Variants in FLT1 observed in about 807,000 individuals in gnomAD.
FLT1 encodes the protein vascular endothelial growth factor receptor 1.
Under a neutral mutation model 156.3 loss-of-function variants are expected in FLT1, and 49 were observed. The ratio of observed to expected loss-of-function variants is 0.31; its 90% confidence interval spans 0.25 to 0.40. FLT1 has a LOEUF of 0.40. Ranked by LOEUF, FLT1 falls within the 10% of genes least tolerant of loss-of-function variation. FLT1 has a pLI of 1.00. For missense variants in FLT1, 1,322 were observed against 1,637.2 expected, an observed-to-expected ratio of 0.81 and a Z score of 3.32; for synonymous variants, 594 against 583.8, an observed-to-expected ratio of 1.02 and a Z score of -0.25.
At chr13:28,324,695 G>A (rs1457923809) in intron 20 of FLT1, among the ~76,000 whole-genome samples, 3 of 152,232 alleles carry the variant, frequency 2.0e-5, no homozygotes, top group Non-Finnish European at 2.9e-5. Context: ...AGGCATCAGA[G>A]AAAGCGCTGG....
chr13:28,335,845 G>A (rs914724956), intron 17 of FLT1, among the ~76,000 whole-genome samples: 13 of 152,120 alleles, frequency 8.5e-5, no homozygotes, highest in African/African-American at 2.9e-4. Context: ...GGGGACCCTC[G>A]ATTTGAAATA....
intron 15 of FLT1, 110 bp downstream of exon 15, chr13:28,357,444 G>T: frequency 2.6e-6 from 3 of 1,145,602 alleles, no homozygotes; most frequent in South Asian, 1.2e-5. Context: ...GGAGGTCAGG[G>T]AAAGGAACAG....
At chr13:28,350,593 G>C (rs1434050620) in intron 15 of FLT1, among the ~76,000 whole-genome samples, 3 of 152,104 alleles carry the variant, frequency 2.0e-5, no homozygotes, top group Admixed American at 1.3e-4. Flanking sequence ...CAGACTGCAT[G>C]AATGGGTAGG....
intron 1 of FLT1, among the ~76,000 whole-genome samples, chr13:28,491,620 A>G (rs1049730042): frequency 3.9e-5 from 6 of 152,202 alleles, no homozygotes; most frequent in African/African-American, 1.4e-4. Context: ...AAAGAAAAAG[A>G]AAGTTTAATG....
At chr13:28,490,891 CACGCCTGGCCTCT>C (rs1015025361) in intron 1 of FLT1, among the ~76,000 whole-genome samples, 3 of 152,222 alleles carry the variant, frequency 2.0e-5, no homozygotes, top group Admixed American at 2.0e-4. Context: ...AAGAATTAGA[CACGCCTGGCCTCT>C]ACTAACACCA....
intron 3 of FLT1, among the ~76,000 whole-genome samples, chr13:28,453,715 A>G (rs55991219): frequency 1.1e-3 from 174 of 152,282 alleles, no homozygotes; most frequent in African/African-American, 4.0e-3. Context: ...TCATTTTCTC[A>G]ATGTGCCCTC....
chr13:28,390,648 C>A (rs114391248), intron 12 of FLT1, among the ~76,000 whole-genome samples: 1 of 152,130 alleles, frequency 6.6e-6, no homozygotes, highest in South Asian at 2.1e-4. Context: ...CCATGCTCCT[C>A]GGCCTCCCAA....
intron 1 of FLT1, among the ~76,000 whole-genome samples, chr13:28,470,776 C>T (rs1162588183): frequency 3.3e-5 from 5 of 152,066 alleles, no homozygotes; most frequent in Admixed American, 2.0e-4. Context: ...CTGCAGCCTC[C>T]GCCTCCTGGG....
chr13:28,477,903 A>G (rs1000403640), intron 1 of FLT1, among the ~76,000 whole-genome samples: 3 of 152,210 alleles, frequency 2.0e-5, no homozygotes, highest in Admixed American at 6.5e-5. Context: ...AAGAGACATG[A>G]CAACTGATTG....
chr13:28,463,382 G>A (rs1879691962), intron 3 of FLT1, among the ~76,000 whole-genome samples: 1 of 152,146 alleles, frequency 6.6e-6, no homozygotes, highest in Non-Finnish European at 1.5e-5. Context: ...GTAAGAGTTT[G>A]TTCATAATTT....
intron 14 of FLT1, among the ~76,000 whole-genome samples, chr13:28,382,597 T>G (rs762099821): frequency 1.4e-4 from 21 of 152,120 alleles, no homozygotes; most frequent in Non-Finnish European, 2.8e-4. Context: ...GGAGACAAGT[T>G]TGGAGACCAC....
chr13:28,426,406 G>A (rs1442890749), intron 10 of FLT1, among the ~76,000 whole-genome samples: 1 of 152,142 alleles, frequency 6.6e-6, no homozygotes, highest in Admixed American at 6.5e-5. Flanking sequence ...CAGAGGGTAG[G>A]GATGTATTCA....
At chr13:28,417,652 T>C (rs1876734062) in intron 10 of FLT1, among the ~76,000 whole-genome samples, 1 of 142,144 alleles carries the variant, frequency 7.0e-6, no homozygotes. Context: ...AAATTAAATC[T>C]TTAACATTCC....
intron 13 of FLT1, chr13:28,388,292 A>T: frequency 9.5e-7 from 1 of 1,057,634 alleles, no homozygotes; most frequent in Non-Finnish European, 1.1e-6. Context: ...TGACAAAAGC[A>T]ATTCCCACGT....
intron 10 of FLT1, among the ~76,000 whole-genome samples, chr13:28,417,162 C>A (rs1876701779): frequency 6.6e-6 from 1 of 152,204 alleles, no homozygotes; most frequent in South Asian, 2.1e-4. Context: ...TGACTGCCTG[C>A]CTCAACCATT....
At chr13:28,425,673 T>A (rs1380999506) in intron 10 of FLT1, among the ~76,000 whole-genome samples, 1 of 152,186 alleles carries the variant, frequency 6.6e-6, no homozygotes, top group Non-Finnish European at 1.5e-5. Flanking sequence ...GGCTCTGTTA[T>A]TCCAGAAAAA....
intron 3 of FLT1, among the ~76,000 whole-genome samples, chr13:28,452,873 G>A (rs1879029346): frequency 6.6e-6 from 1 of 151,764 alleles, no homozygotes; most frequent in Non-Finnish European, 1.5e-5. Context: ...ACAATGAAGT[G>A]TAAAGGGATT....
At chr13:28,429,952 C>T (rs901385871) in intron 8 of FLT1, 98 bp downstream of exon 8, 26 of 862,980 alleles carry the variant, frequency 3.0e-5, no homozygotes, top group Admixed American at 5.1e-5. Context: ...TGAGGAACGT[C>T]TCTTGGTATT....
intron 14 of FLT1, among the ~76,000 whole-genome samples, chr13:28,376,401 T>G (rs1385463132): frequency 6.6e-6 from 1 of 152,238 alleles, no homozygotes; most frequent in Non-Finnish European, 1.5e-5. Flanking sequence ...TCTAAAAATG[T>G]TTTGCTATCA....
Sources: gnomAD v4.1 joint callset for allele counts (sites outside exome capture counted in the v4.1 genomes callset) on GRCh38, gnomAD v4.1.1 for gene constraint, MANE v1.5 for transcripts, NCBI Gene and HGNC (gene_info 2026-07-23, HGNC 2026-07-21) for gene names.